The following DENND4C variants were observed in gnomAD, a reference collection of about 807,000 sequenced individuals.
DENND4C encodes the protein DENN domain containing 4C.
A neutral mutation model predicts 203.0 loss-of-function variants in DENND4C; 108 were observed. The ratio of observed to expected loss-of-function variants is 0.53; its 90% CI spans 0.46 to 0.62. The LOEUF (loss-of-function observed/expected upper bound fraction) is 0.62. Ranked by LOEUF, DENND4C falls within the 20% of genes least tolerant of loss-of-function variation. DENND4C has a pLI of 0.00. For synonymous variants in DENND4C, 871 were observed against 792.4 expected (o/e 1.10, Z -1.67); for missense variants, 2,481 against 2,301.2 (o/e 1.08, Z -1.60).
intron 1 of DENND4C, among the ~76,000 whole-genome samples, chr9:19,245,451 A>G (rs1448172044): frequency 1.6e-5 from 2 of 124,118 alleles, no homozygotes; most frequent in Non-Finnish European, 3.3e-5. Context: ...TGGGCGACAG[A>G]GTAAGACTCA....
In DENND4C at chr9:19,341,088, T is replaced by C. The variant is rs751161635; in HGVS notation, c.2978T>C (p.Ile993Thr). The change falls in exon 21 of 33, where the codon ATA (isoleucine) becomes ACA (threonine). Residue 993 changes from isoleucine (I) to threonine (T), a missense_variant. This residue lies in a region of DENND4C where 2,289 missense variants were observed against 2,113.3 expected (regional missense o/e 1.08). Transcript: ENST00000434457. ...GAAGAACAGGCAGCAAGAGAATTGA[T>C]AACTAAAACAAAAATGCAAACAGAA... ...VPEEQAAREL[I>T]TKTKMQTEEV... 6.2e-7 allele frequency: 1 copy of C among 1,611,918 alleles called. No individual in the cohort carries two copies. Among genetic ancestry groups the C allele is most frequent in the East Asian group, 2.2e-5 (1 of 44,756 alleles).
At chr9:19,290,237 T>C (rs1307244853) in intron 4 of DENND4C, among the ~76,000 whole-genome samples, 2 of 152,246 alleles carry the variant, frequency 1.3e-5, no homozygotes, top group Non-Finnish European at 2.9e-5. Flanking sequence ...TTACTTTTCA[T>C]GTTGCATGCC....
intron 2 of DENND4C, among the ~76,000 whole-genome samples, chr9:19,282,715 C>CTCTTTTTTTTTTTTT (rs758751945): frequency 2.3e-5 from 2 of 86,638 alleles, no homozygotes; most frequent in Admixed American, 1.7e-4. Context: ...TTTCTTCTCT[C>CTCTTTTTTTTTTTTT]TTTTTTTTTT....
chr9:19,345,970 A>T lies in DENND4C; in HGVS notation c.3201A>T (p.Ala1067=). The T allele has an allele frequency of 6.2e-7, 1 of 1,614,020 alleles. No homozygotes were observed. Among genetic ancestry groups the T allele is most frequent in the Non-Finnish European group, 8.5e-7 (1 of 1,180,024 alleles). ...CTACTCAAGATCCAGTTGAAGATGC[A>T]GTCTTTGGCGAAGCTACTAATCTCA... ...LFSTQDPVED[A]VFGEATNLKK... Residue 1067 remains alanine, a synonymous_variant, in exon 23 of 33, where the codon GCA becomes GCT. Coordinates refer to ENST00000434457, the MANE Select transcript of DENND4C (RefSeq NM_001330640.2).
At chr9:19,257,956 C>G (rs976397005) in intron 1 of DENND4C, among the ~76,000 whole-genome samples, 8 of 151,954 alleles carry the variant, frequency 5.3e-5, no homozygotes, top group African/African-American at 1.9e-4. Flanking sequence ...GACCTCATCT[C>G]CAGAAAAATA....
intron 1 of DENND4C, among the ~76,000 whole-genome samples, chr9:19,242,367 G>A (rs1460059817): frequency 6.6e-6 from 1 of 152,202 alleles, no homozygotes; most frequent in African/African-American, 2.4e-5. Context: ...TACGAATAAA[G>A]CTGCTTATAA....
At chr9:19,336,604 A>T in intron 19 of DENND4C, 82 bp from the exon 20 acceptor site, 1 of 1,461,670 alleles carries the variant, frequency 6.8e-7, no homozygotes, top group Non-Finnish European at 9.1e-7. Context: ...CTGCAACTAT[A>T]AATGAACTGT....
Position 19,373,281 on chromosome 9 carries a change from T to G in DENND4C, c.*1108T>G, listed in dbSNP as rs1311440488. Reference sequence around the variant, plus strand: ...TCCTCTTCCCAATGTTAATTTGCAATAGTTTTAAAATGGGAACAAATGAAT... The same window carrying G: ...TCCTCTTCCCAATGTTAATTTGCAAGAGTTTTAAAATGGGAACAAATGAAT... On this transcript the variant is annotated 3_prime_UTR_variant, in exon 33 of 33. Transcript: ENST00000434457. 6.6e-6 allele frequency: 1 copy of G among 152,382 alleles called. No homozygotes were observed. Among genetic ancestry groups the G allele is most frequent in the Non-Finnish European group, 1.5e-5 (1 of 68,034 alleles). The allele number at this position is 152,382 out of a possible 1,614,324, so 9.4% of individuals were successfully genotyped here. A position where few individuals can be genotyped will look rare whatever the true frequency, so the allele number is the denominator to read the frequency against.
intron 2 of DENND4C, among the ~76,000 whole-genome samples, chr9:19,282,158 CACTT>C (rs56238995): frequency 0.5 from 75,187 of 151,312 alleles, 19,487 homozygotes; most frequent in South Asian, 0.66. Context: ...TAGTTTAAAA[CACTT>C]ACCATACAGC....
intron 1 of DENND4C, among the ~76,000 whole-genome samples, chr9:19,263,490 G>T (rs1475605103): frequency 6.6e-6 from 1 of 151,732 alleles, no homozygotes; most frequent in Non-Finnish European, 1.5e-5. Flanking sequence ...CCAAGGAGCT[G>T]GGATTACAGG....
In DENND4C at chr9:19,290,718, T is replaced by C. The variant is rs531537143; in HGVS notation, c.643T>C (p.Tyr215His). 132 of 1,457,142 alleles carry C rather than the reference T, an allele frequency of 9.1e-5. 1 individual carries two copies. In the African/African-American group the frequency reaches 1.7e-3, roughly 18 times the overall value. 90.3% of individuals were successfully genotyped at this position (1,457,142 alleles called of 1,614,324 possible). A position where few individuals can be genotyped will look rare whatever the true frequency, so the allele number is the denominator to read the frequency against. The part of the protein sequence containing the change: ...IAYKAGLIFR[Y>H]PEEDYESFPL... ...TTCTTCAAAAGGTTTAATTTTTAGA[T>C]ATCCAGAAGAGGACTATGAGTCATT... is the stretch of plus-strand genomic sequence containing the variant. Residue 215 changes from tyrosine to histidine, a missense_variant, in exon 5 of 33, where the codon TAT becomes CAT. Coordinates refer to ENST00000434457, the MANE Select transcript of DENND4C (RefSeq NM_001330640.2).
At chr9:19,265,627 C>T (rs1564100333) in intron 1 of DENND4C, among the ~76,000 whole-genome samples, 2 of 152,144 alleles carry the variant, frequency 1.3e-5, no homozygotes, top group South Asian at 2.1e-4. Flanking sequence ...CGACAGGCCC[C>T]GGTGTGTGAT....
intron 5 of DENND4C, chr9:19,291,241 A>T: frequency 6.2e-6 from 1 of 161,560 alleles, no homozygotes; most frequent in South Asian, 1.8e-4. Context: ...AATATAAAGG[A>T]TGTTATAAAT....
intron 1 of DENND4C, among the ~76,000 whole-genome samples, chr9:19,268,801 G>C (rs916867373): frequency 1.3e-5 from 2 of 151,930 alleles, no homozygotes; most frequent in African/African-American, 4.8e-5. Flanking sequence ...GAAGTGTGCT[G>C]CCAGACACAT....
At chr9:19,281,253 T>G (rs554822929) in intron 2 of DENND4C, among the ~76,000 whole-genome samples, 8 of 152,300 alleles carry the variant, frequency 5.3e-5, no homozygotes, top group African/African-American at 1.9e-4. Flanking sequence ...TAATTTTTGT[T>G]ATGGTAGTTT....
chr9:19,330,526 G>C (rs1221963949), intron 16 of DENND4C, among the ~76,000 whole-genome samples: 1 of 151,688 alleles, frequency 6.6e-6, no homozygotes, highest in Non-Finnish European at 1.5e-5. Flanking sequence ...TTTTAGTAGA[G>C]ACAGGGCTTT....
chr9:19,316,187 A>G (rs532946336), intron 10 of DENND4C, among the ~76,000 whole-genome samples: 2 of 152,342 alleles, frequency 1.3e-5, no homozygotes, highest in South Asian at 2.1e-4. Flanking sequence ...CCTAACTCCA[A>G]CATTGAAAAT....
At chr9:19,285,423 C>G (rs1489433351) in intron 2 of DENND4C, among the ~76,000 whole-genome samples, 1 of 152,066 alleles carries the variant, frequency 6.6e-6, no homozygotes, top group Non-Finnish European at 1.5e-5. Context: ...TTTCATCAGC[C>G]TAAAAAGAAA....
At chr9:19,250,408 G>C (rs1339625070) in intron 1 of DENND4C, among the ~76,000 whole-genome samples, 1 of 152,078 alleles carries the variant, frequency 6.6e-6, no homozygotes, top group African/African-American at 2.4e-5. Flanking sequence ...TGTAGTTTTT[G>C]TAGAAATGGG....
Sources: gnomAD v4.1 joint callset for allele counts (sites outside exome capture counted in the v4.1 genomes callset) on GRCh38, gnomAD v4.1.1 for gene constraint, gnomAD v4.1.1 regional missense constraint, MANE v1.5 for transcripts, NCBI Gene and HGNC (gene_info 2026-07-23, HGNC 2026-07-21) for gene names.